CCDC3: variants seen among roughly 807,000 people sequenced by gnomAD.
CCDC3 encodes coiled-coil domain-containing protein 3.
In CCDC3, 24 loss-of-function variants were observed where a neutral mutation model predicts 21.4. That is an observed-to-expected ratio of 1.12 (90% CI 0.81 to 1.58). The LOEUF is 1.58. Among genes scored for constraint, CCDC3 ranks in the 40% most tolerant of loss-of-function variants. The probability of loss-of-function intolerance (pLI) is 0.00; values close to 1 mark genes in which losing one functional copy is unlikely to be tolerated. For missense variants in CCDC3, 425 were observed against 360.9 expected (o/e 1.18, Z -1.44); for synonymous variants, 186 against 166.0 (o/e 1.12, Z -0.93).
intron 2 of CCDC3, among the ~76,000 whole-genome samples, chr10:12,992,450 T>A (rs574255787): frequency 3.9e-5 from 6 of 152,070 alleles, no homozygotes; most frequent in African/African-American, 1.2e-4. Context: ...GTATTTTATA[T>A]ATGTCATGGA....
Position 12,949,552 on chromosome 10 carries a change from A to G in CCDC3, c.549+48786T>C, listed in dbSNP as rs57998247. Among the ~76,000 whole-genome samples, 92 of 152,354 alleles carry G rather than the reference A, an allele frequency of 6.0e-4. 1 individual carries two copies. The East Asian group carries it at 0.017, about 28-fold the overall frequency. On this transcript the variant is annotated intron_variant, in intron 2 of 2. Transcript: ENST00000378825. ...AGAGAAATAAACATCTACCTGAGCCAGTATTACTAGGGTTTTCCAATACTG... is the reference window on the plus strand; with the variant it reads ...AGAGAAATAAACATCTACCTGAGCCGGTATTACTAGGGTTTTCCAATACTG...
chr10:12,968,155 C>T (rs1188376204), intron 2 of CCDC3, among the ~76,000 whole-genome samples: 1 of 138,290 alleles, frequency 7.2e-6, no homozygotes, highest in Admixed American at 7.6e-5. Context: ...GGTGAAAGAG[C>T]GAGACTTCAC....
At chr10:13,059,132 A>G (rs771432269) in intron 4 of CCDC3, among the ~76,000 whole-genome samples, 2 of 152,152 alleles carry the variant, frequency 1.3e-5, no homozygotes, top group Non-Finnish European at 2.9e-5. Flanking sequence ...TGGCATACGC[A>G]CACTTCGTAA....
At chr10:13,084,470 T>C (rs1341240035) in intron 3 of CCDC3, among the ~76,000 whole-genome samples, 1 of 152,092 alleles carries the variant, frequency 6.6e-6, no homozygotes, top group Non-Finnish European at 1.5e-5. Context: ...GTATTTTTAA[T>C]AGAGACAGGG....
intron 3 of CCDC3, among the ~76,000 whole-genome samples, chr10:13,084,335 G>C (rs904191367): frequency 1.4e-5 from 2 of 147,196 alleles, no homozygotes; most frequent in Non-Finnish European, 3.0e-5. Context: ...GCCCAGGCTG[G>C]AATGCAATGG....
At chr10:12,950,843 G>T (rs1834996787) in intron 2 of CCDC3, among the ~76,000 whole-genome samples, 1 of 152,154 alleles carries the variant, frequency 6.6e-6, no homozygotes, top group Non-Finnish European at 1.5e-5. Context: ...GATATGGGGG[G>T]CTTGGGGGTG....
chr10:13,061,164 T>C lies in CCDC3; in HGVS notation c.-269-11223A>G, dbSNP rs564913990. The stretch of plus-strand genomic sequence containing the variant: ...GATTGTGTTATAAAACCCAAGCAAG[T>C]AGGAATGAGTATAAATTATGGATTT... On this transcript the variant is annotated intron_variant, in intron 4 of 6. Coordinates refer to the CCDC3 transcript ENST00000378839. 1.4e-4 allele frequency among the ~76,000 whole-genome samples: 21 copies of C among 152,318 alleles called. No homozygotes were observed. The South Asian group carries it at 1.9e-3, about 14-fold the overall frequency.
chr10:13,023,511 C>T (rs1836174895), intron 5 of CCDC3, among the ~76,000 whole-genome samples: 2 of 152,112 alleles, frequency 1.3e-5, no homozygotes, highest in Admixed American at 1.3e-4. Context: ...AGAGAAGATG[C>T]CCCAGTGTGC....
intron 2 of CCDC3, among the ~76,000 whole-genome samples, chr10:12,912,214 G>A (rs1390062537): frequency 6.6e-6 from 1 of 152,158 alleles, no homozygotes; most frequent in Non-Finnish European, 1.5e-5. Flanking sequence ...ACTCCATACA[G>A]TTTTCCATAA....
chr10:12,957,816 G>A (rs983240147), intron 2 of CCDC3, among the ~76,000 whole-genome samples: 9 of 152,122 alleles, frequency 5.9e-5, no homozygotes, highest in African/African-American at 1.4e-4. Flanking sequence ...TTGTTGAACC[G>A]TGAGCCAGTT....
chr10:13,077,553 C>A lies in CCDC3; in HGVS notation c.-502-3453G>T, dbSNP rs181147160. Among the ~76,000 whole-genome samples the A allele has an allele frequency of 9.9e-5, 15 of 152,276 alleles. No individual in the cohort carries two copies. In the East Asian group the frequency reaches 2.5e-3, roughly 25 times the overall value. On this transcript the variant is annotated intron_variant, in intron 3 of 6. Transcript: ENST00000378839. Reference sequence around the variant, plus strand: ...CCAAAAAAGAGCTGCATTGCCAAGACAATCCTAAGCCAAAAGAACAAAGCT... The same window carrying A: ...CCAAAAAAGAGCTGCATTGCCAAGAAAATCCTAAGCCAAAAGAACAAAGCT...
chr10:13,059,655 T>C (rs563142099), intron 4 of CCDC3, among the ~76,000 whole-genome samples: 1 of 152,232 alleles, frequency 6.6e-6, no homozygotes, highest in Admixed American at 6.5e-5. Context: ...AAGGTTTTTT[T>C]TCTGCCATTT....
intron 2 of CCDC3, among the ~76,000 whole-genome samples, chr10:12,964,017 C>G (rs184323636): frequency 6.6e-6 from 1 of 152,156 alleles, no homozygotes; most frequent in Non-Finnish European, 1.5e-5. Context: ...TGATACAACT[C>G]TGGCCAATGA....
intron 2 of CCDC3, among the ~76,000 whole-genome samples, chr10:12,989,257 T>G (rs11816504): frequency 0.047 from 7,082 of 152,250 alleles, 573 homozygotes; most frequent in African/African-American, 0.16. Flanking sequence ...AAACCTCCCT[T>G]CACTCAGACC....
intron 2 of CCDC3, among the ~76,000 whole-genome samples, chr10:12,992,573 A>C (rs1017846835): frequency 6.6e-6 from 1 of 152,176 alleles, no homozygotes; most frequent in Non-Finnish European, 1.5e-5. Flanking sequence ...CAAACATTTT[A>C]TGTTCTCACT....
In CCDC3 at chr10:12,921,540, A is replaced by C. The variant is rs75116967; in HGVS notation, c.550-22861T>G. Among the ~76,000 whole-genome samples, 42 of 152,326 alleles carry C rather than the reference A, an allele frequency of 2.8e-4. No homozygotes were observed. In the East Asian group the frequency reaches 7.9e-3, roughly 29 times the overall value. On this transcript the variant is annotated intron_variant, in intron 2 of 2. Coordinates refer to ENST00000378825, the MANE Select transcript of CCDC3 (RefSeq NM_031455.4). ...GCCTTATCTTTTTCAACTTTTTCAA[A>C]TGATCTCTTAAAAATTGTAGCAAAA... is the stretch of plus-strand genomic sequence containing the variant.
At chr10:13,044,131 T>C (rs1242475523) in intron 5 of CCDC3, among the ~76,000 whole-genome samples, 8 of 152,254 alleles carry the variant, frequency 5.3e-5, no homozygotes, top group Non-Finnish European at 7.3e-5. Context: ...TTTTTTCATA[T>C]GTTTGTTGGC....
chr10:12,909,339 A>G (rs145408473), intron 2 of CCDC3, among the ~76,000 whole-genome samples: 1 of 152,190 alleles, frequency 6.6e-6, no homozygotes, highest in East Asian at 1.9e-4. Flanking sequence ...GCTGCAGGGG[A>G]GGAAGGGCAA....
intron 4 of CCDC3, among the ~76,000 whole-genome samples, chr10:13,054,830 C>G (rs181877511): frequency 1.3e-3 from 194 of 152,224 alleles, no homozygotes; most frequent in Non-Finnish European, 2.2e-3. Context: ...CTACGCGTGG[C>G]TAATTTTTGT....
Sources: gnomAD v4.1 joint callset for allele counts (sites outside exome capture counted in the v4.1 genomes callset) on GRCh38, gnomAD v4.1.1 for gene constraint, MANE v1.5 for transcripts, NCBI Gene and HGNC (gene_info 2026-07-23, HGNC 2026-07-21) for gene names.